The following ZDHHC15 variants were observed in gnomAD, a reference collection of about 807,000 sequenced individuals.
ZDHHC15 encodes palmitoyltransferase ZDHHC15.
In ZDHHC15, 19 loss-of-function variants were observed where a neutral mutation model predicts 31.7. The observed-to-expected ratio is 0.60, with a 90% CI of 0.42 to 0.88. The LOEUF is 0.88. Among genes scored for constraint, ZDHHC15 ranks in the 40% least tolerant of loss-of-function variants. ZDHHC15 has a pLI of 0.00. For missense variants in ZDHHC15, 209 were observed against 251.2 expected (o/e 0.83, Z 1.14); for synonymous variants, 103 against 90.0 (o/e 1.14, Z -0.82).
intron 10 of ZDHHC15, among the ~76,000 whole-genome samples, chrX:75,382,506 C>A (rs1469677363): frequency 9.0e-6 from 1 of 111,459 alleles, no homozygotes; most frequent in Non-Finnish European, 1.9e-5. Context: ...GAAATGAGGC[C>A]TAGGATTCCT....
chrX:75,505,825 T>C lies in ZDHHC15; in HGVS notation c.159A>G (p.Glu53=). 1.7e-6 allele frequency: 2 copies of C among 1,208,996 alleles called. No homozygotes were observed. Among genetic ancestry groups the C allele is most frequent in the Middle Eastern group, 2.3e-4 (1 of 4,340 alleles). The change falls in exon 2 of 12, where the codon GAA becomes GAG. Residue 53 remains glutamate (E), a synonymous_variant. Coordinates refer to ENST00000373367, the MANE Select transcript of ZDHHC15 (RefSeq NM_144969.3). Reference sequence around the variant, plus strand: ...CAATTTCCAACATCATCTTACCTTTTTCTGCTGGGCTCAAAACAGTCACTG... The same window carrying C: ...CAATTTCCAACATCATCTTACCTTTCTCTGCTGGGCTCAAAACAGTCACTG... ...LCLVTVLSPA[E]KVIYLILYHA...
chrX:75,410,966 G>A (rs754588567), intron 10 of ZDHHC15, among the ~76,000 whole-genome samples: 2 of 111,801 alleles, frequency 1.8e-5, no homozygotes, highest in Non-Finnish European at 3.8e-5. Context: ...AGGTTATTAC[G>A]TTAAGGAAAT....
At chrX:75,445,974 C>A (rs750478003) in intron 4 of ZDHHC15, among the ~76,000 whole-genome samples, 4 of 110,946 alleles carry the variant, frequency 3.6e-5, no homozygotes, top group African/African-American at 1.3e-4. Flanking sequence ...TCCTCTGGAC[C>A]CATCCCTCTT....
chrX:75,488,918 A>C (rs1180887147), intron 2 of ZDHHC15, among the ~76,000 whole-genome samples: 1 of 111,964 alleles, frequency 8.9e-6, no homozygotes, highest in Non-Finnish European at 1.9e-5. Flanking sequence ...CACTTTTCCA[A>C]TGGTCTTAGC....
In ZDHHC15 at chrX:75,522,967, G is replaced by C. The variant is rs1476444709; in HGVS notation, c.58C>G (p.Leu20Val). The change falls in exon 1 of 12, where the codon CTG (leucine) becomes GTG (valine). Residue 20 changes from leucine to valine, a missense_variant. Physicochemically the swap from Leu to Val is conservative, Grantham distance 32 (BLOSUM62 1). Coordinates refer to ENST00000373367, the MANE Select transcript of ZDHHC15 (RefSeq NM_144969.3). ...SGGLRCCRRV[L>V]SWVPVLVIVL... Reference sequence around the variant, plus strand: ...ATAACGAGCACTGGCACCCAGGACAGTACCCGGCGGCAGCACCGCAGCCCC... The same window carrying C: ...ATAACGAGCACTGGCACCCAGGACACTACCCGGCGGCAGCACCGCAGCCCC... 3 of 1,210,031 alleles carry C rather than the reference G, an allele frequency of 2.5e-6. No individual in the cohort carries two copies. The highest frequency in any genetic ancestry group is 4.4e-5 in the Admixed American group (2 of 45,850).
intron 4 of ZDHHC15, among the ~76,000 whole-genome samples, chrX:75,439,035 A>C (rs2083902183): frequency 9.0e-6 from 1 of 111,564 alleles, no homozygotes; most frequent in Admixed American, 9.6e-5. Flanking sequence ...TGTTAGTCTG[A>C]TAGCTTTCCC....
chrX:75,401,316 G>A (rs2083354795), intron 10 of ZDHHC15, among the ~76,000 whole-genome samples: 1 of 110,392 alleles, frequency 9.1e-6, no homozygotes, highest in Non-Finnish European at 1.9e-5. Flanking sequence ...CAGTGTCACT[G>A]CAAAGCAAGC....
chrX:75,471,403 T>A (rs1321105702), intron 3 of ZDHHC15, among the ~76,000 whole-genome samples: 1 of 112,258 alleles, frequency 8.9e-6, no homozygotes, highest in East Asian at 2.8e-4. Context: ...TACACTGGAC[T>A]TATTGGTGAG....
intron 3 of ZDHHC15, among the ~76,000 whole-genome samples, chrX:75,456,235 G>A (rs1235352270): frequency 1.8e-5 from 2 of 109,808 alleles, no homozygotes; most frequent in Non-Finnish European, 3.8e-5. Flanking sequence ...CCATCATTCT[G>A]AGCAAACTAT....
Position 75,401,580 on chromosome X carries a change from G to A in ZDHHC15, c.967+15507C>T, listed in dbSNP as rs745952077. On this transcript the variant is annotated intron_variant, in intron 10 of 11. Transcript: ENST00000373367. ...AAGCTAATGGAAAACAGAAAAAAGC[G>A]GGGGTTGCAATCCTAATTTCTGACA... Among the ~76,000 whole-genome samples, 5 of 111,791 alleles carry A rather than the reference G, an allele frequency of 4.5e-5. No individual in the cohort carries two copies. The South Asian group carries it at 1.1e-3, about 25-fold the overall frequency.
At chrX:75,504,224 T>C (rs1356536318) in intron 2 of ZDHHC15, among the ~76,000 whole-genome samples, 1 of 111,423 alleles carries the variant, frequency 9.0e-6, no homozygotes, top group Non-Finnish European at 1.9e-5. Context: ...TTTTGCAGTA[T>C]GTTTGACTAT....
chrX:75,383,692 T>G (rs756710307), intron 10 of ZDHHC15, among the ~76,000 whole-genome samples: 22 of 109,557 alleles, frequency 2.0e-4, no homozygotes, highest in Non-Finnish European at 3.0e-4. Context: ...TTTCCACGTA[T>G]GTATTTTATC....
At position 75,453,132 on chromosome X, in the gene ZDHHC15, T is replaced by C. The variant is rs185795572; in HGVS notation, c.259-2210A>G. On this transcript the variant is annotated intron_variant, in intron 3 of 11. Transcript: ENST00000373367. ...GAAAAGATCAACAAAAGTGATAGACTGCTAGACTGCTAGCAAGACTAATAA... is the reference window on the plus strand; with the variant it reads ...GAAAAGATCAACAAAAGTGATAGACCGCTAGACTGCTAGCAAGACTAATAA... Among the ~76,000 whole-genome samples, 37 of 110,787 alleles carry C rather than the reference T, an allele frequency of 3.3e-4. No homozygotes were observed. In the East Asian group the frequency reaches 0.01, roughly 31 times the overall value.
rs186846308 is a variant in ZDHHC15, at chrX:75,421,083, G to A, written c.863+781C>T. Reference sequence around the variant, plus strand: ...AATATAAATAATTTCTAAGACTATTGCCCTTACCATTTTTAACATTTTTTG... The same window carrying A: ...AATATAAATAATTTCTAAGACTATTACCCTTACCATTTTTAACATTTTTTG... On this transcript the variant is annotated intron_variant, in intron 9 of 11. Coordinates refer to ENST00000373367, the MANE Select transcript of ZDHHC15 (RefSeq NM_144969.3). 1.4e-3 allele frequency among the ~76,000 whole-genome samples: 153 copies of A among 107,013 alleles called. 4 individuals are homozygous for A. The Admixed American group carries it at 0.016, about 11-fold the overall frequency. The allele number at this position is 107,013 out of a possible 115,157, so 92.9% of individuals were successfully genotyped here.
At chrX:75,380,946 T>C (rs1374692642) in intron 10 of ZDHHC15, among the ~76,000 whole-genome samples, 1 of 111,534 alleles carries the variant, frequency 9.0e-6, no homozygotes, top group African/African-American at 3.3e-5. Flanking sequence ...CTTGATGCTA[T>C]GTGAAGTGAC....
At chrX:75,479,552 G>A (rs1197139283) in intron 2 of ZDHHC15, among the ~76,000 whole-genome samples, 1 of 111,260 alleles carries the variant, frequency 9.0e-6, no homozygotes, top group Non-Finnish European at 1.9e-5. Flanking sequence ...GGAAAATTTC[G>A]TTACATGCAT....
Position 75,442,843 on chromosome X carries a change from G to A in ZDHHC15, c.379+7959C>T, listed in dbSNP as rs775613853. Among the ~76,000 whole-genome samples the A allele has an allele frequency of 1.8e-4, 19 of 108,231 alleles. 1 individual carries two copies. The highest frequency in any genetic ancestry group is 4.9e-3 in the Middle Eastern group (1 of 204). 94.0% of individuals were successfully genotyped at this position (108,231 alleles called of 115,157 possible). On this transcript the variant is annotated intron_variant, in intron 4 of 11. Transcript: ENST00000373367. ...CTACTAAAAATACAAAAAATTAGCC[G>A]GGCACGGTGGCGGGCGCCTGTAGTC...
chrX:75,376,188 T>G (rs1768583481), intron 11 of ZDHHC15, among the ~76,000 whole-genome samples: 1 of 110,625 alleles, frequency 9.0e-6, no homozygotes, highest in Non-Finnish European at 1.9e-5. Context: ...CATATGTTTG[T>G]TGGCTGCTTG....
chrX:75,449,728 G>A (rs2084089048), intron 4 of ZDHHC15, among the ~76,000 whole-genome samples: 1 of 112,013 alleles, frequency 8.9e-6, no homozygotes, highest in African/African-American at 3.2e-5. Flanking sequence ...ATGAATATGT[G>A]TCTGACAGTA....
Sources: gnomAD v4.1 joint callset for allele counts (sites outside exome capture counted in the v4.1 genomes callset) on GRCh38, gnomAD v4.1.1 for gene constraint, MANE v1.5 for transcripts, NCBI Gene and HGNC (gene_info 2026-07-23, HGNC 2026-07-21) for gene names.